COL20A1: variants seen among roughly 807,000 people sequenced by gnomAD.
COL20A1 encodes collagen alpha-1(XX) chain.
In COL20A1, 164 loss-of-function variants were observed where a neutral mutation model predicts 152.9. The observed-to-expected ratio is 1.07, with a 90% CI of 0.94 to 1.22. The LOEUF (loss-of-function observed/expected upper bound fraction) is 1.22, where lower values mean the gene tolerates loss of function less well. COL20A1 is among the 50% of genes most tolerant of loss of function. The pLI, the probability that COL20A1 is intolerant of heterozygous loss-of-function variation, is 0.00. For synonymous variants in COL20A1, 864 were observed against 756.0 expected, an observed-to-expected ratio of 1.14 and a Z score of -2.34; for missense variants, 1,873 against 1,744.8, an observed-to-expected ratio of 1.07 and a Z score of -1.31.
chr20:63,321,408 C>A (rs2068161019), intron 26 of COL20A1, among the ~76,000 whole-genome samples: 1 of 152,170 alleles, frequency 6.6e-6, no homozygotes, highest in African/African-American at 2.4e-5. Flanking sequence ...TTCCCCCAGG[C>A]TGGGCCTCCC....
rs1223698295 is a variant in COL20A1 at position 63,316,623 on chromosome 20, G to T, written c.2595G>T (p.Glu865Asp). Residue 865 changes from glutamate (E) to aspartate (D), a missense_variant, in exon 21 of 36, where the codon GAG becomes GAT. Glu to Asp is a conservative substitution (Grantham distance 45, BLOSUM62 2). Coordinates refer to ENST00000358894, the MANE Select transcript of COL20A1 (RefSeq NM_020882.4). ...CGTCCATCCGGGGCGTGGCCATGGAGCCCTCTGCCTTCGGTGGGACCCCGA... is the reference window on the plus strand; with the variant it reads ...CGTCCATCCGGGGCGTGGCCATGGATCCCTCTGCCTTCGGTGGGACCCCGA... ...AYASIRGVAM[E>D]PSAFGGTPTF... The T allele has an allele frequency of 6.3e-7, 1 of 1,581,644 alleles. No homozygotes were observed. The highest frequency in any genetic ancestry group is 2.3e-5 in the East Asian group (1 of 43,320).
chr20:63,316,527 GC>G, intron 20 of COL20A1, 25 bp from the exon 21 acceptor site: 1 of 1,575,562 alleles, frequency 6.3e-7, no homozygotes, highest in East Asian at 2.3e-5. Flanking sequence ...GTCCCTCGGT[GC>G]CCCTTCCCCC....
At chr20:63,327,443 T>C in intron 31 of COL20A1, 1 of 175,966 alleles carries the variant, frequency 5.7e-6, no homozygotes, top group East Asian at 1.6e-4. Flanking sequence ...GCAGGCTCCA[T>C]GGAGGGTAGG....
rs575301518 is a variant in COL20A1 at position 63,332,982 on chromosome 20, C to A, written c.*2266C>A. The stretch of plus-strand genomic sequence containing the variant: ...CTCCCCGAGACCCAGCCGACCTGCA[C>A]GTCTCCCATCAGCCCCGACTCCACC... On this transcript the variant is annotated 3_prime_UTR_variant, in exon 36 of 36. Coordinates refer to ENST00000358894, the MANE Select transcript of COL20A1 (RefSeq NM_020882.4). 6.6e-6 allele frequency: 1 copy of A among 152,266 alleles called. No individual in the cohort carries two copies. Among genetic ancestry groups the A allele is most frequent in the Non-Finnish European group, 1.5e-5 (1 of 68,096 alleles). The allele number at this position is 152,266 out of a possible 1,614,324, so 9.4% of individuals were successfully genotyped here.
Position 63,328,612 on chromosome 20 carries a change from A to G in COL20A1, c.3781+114A>G, listed in dbSNP as rs2068289535. Reference sequence around the variant, plus strand: ...GTCAGCACAGCAGCTCCTGCTGGAGATGCCACTGTCCAGCCTCTGGGGTGC... The same window carrying G: ...GTCAGCACAGCAGCTCCTGCTGGAGGTGCCACTGTCCAGCCTCTGGGGTGC... On this transcript the variant is annotated intron_variant, in intron 34 of 35. Transcript: ENST00000358894. The G allele has an allele frequency of 1.5e-5, 15 of 1,027,390 alleles. 1 individual carries two copies. The South Asian group carries it at 2.5e-4, about 17-fold the overall frequency. The allele number at this position is 1,027,390 out of a possible 1,614,324, so 63.6% of individuals were successfully genotyped here.
intron 34 of COL20A1, among the ~76,000 whole-genome samples, chr20:63,328,857 C>T (rs2068294153): frequency 6.6e-6 from 1 of 151,686 alleles, no homozygotes. Flanking sequence ...CCACTCCCGC[C>T]CTCTTATCCT....
At position 63,332,990 on chromosome 20, in the gene COL20A1, A is replaced by G. The variant is rs557619971; in HGVS notation, c.*2274A>G. The G allele has an allele frequency of 2.0e-5, 3 of 152,034 alleles. No homozygotes were observed. Among genetic ancestry groups the G allele is most frequent in the African/African-American group, 7.3e-5 (3 of 41,370 alleles). The allele number at this position is 152,034 out of a possible 1,614,324, so 9.4% of individuals were successfully genotyped here. A position where few individuals can be genotyped will look rare whatever the true frequency, so the allele number is the denominator to read the frequency against. On this transcript the variant is annotated 3_prime_UTR_variant, in exon 36 of 36. Transcript: ENST00000358894. ...GACCCAGCCGACCTGCACGTCTCCC[A>G]TCAGCCCCGACTCCACCGCATCCCT... is the stretch of plus-strand genomic sequence containing the variant.
Position 63,311,855 on chromosome 20 carries a change from C to A in COL20A1, c.1664-61C>A. 1.3e-6 allele frequency: 2 copies of A among 1,506,440 alleles called. No homozygotes were observed. The highest frequency in any genetic ancestry group is 1.8e-6 in the Non-Finnish European group (2 of 1,128,570). The allele number at this position is 1,506,440 out of a possible 1,614,324, so 93.3% of individuals were successfully genotyped here. ...AGGCCCCCTCGGTCCCAGCCACTGC[C>A]CACCCTTGCCCCTGCCATGGAGGCC... On this transcript the variant is annotated intron_variant, in intron 13 of 35. Coordinates refer to ENST00000358894, the MANE Select transcript of COL20A1 (RefSeq NM_020882.4). The surrounding 1 kb of genome is among the most constrained non-coding windows in gnomAD (Gnocchi z 4.4).
At chr20:63,298,465 A>G (rs1480996185) in intron 3 of COL20A1, among the ~76,000 whole-genome samples, 2 of 151,488 alleles carry the variant, frequency 1.3e-5, no homozygotes, top group Non-Finnish European at 2.9e-5. Context: ...TAATTTTTGT[A>G]TTTTTTGTGG....
intron 25 of COL20A1, 122 bp from the exon 26 acceptor site, chr20:63,320,891 C>G: frequency 1.4e-6 from 1 of 724,068 alleles, no homozygotes; most frequent in Non-Finnish European, 2.3e-6. Context: ...TCGCCCCTGC[C>G]TCCCAGGTGC....
intron 20 of COL20A1, 78 bp downstream of exon 20, chr20:63,315,517 C>T (rs1023642930): frequency 3.8e-6 from 5 of 1,317,216 alleles, no homozygotes; most frequent in Middle Eastern, 1.8e-4. Context: ...CCAAGGGTGT[C>T]GTGACCTGGG....
intron 19 of COL20A1, among the ~76,000 whole-genome samples, chr20:63,314,934 C>T (rs1160508863): frequency 6.6e-6 from 1 of 150,728 alleles, no homozygotes; most frequent in East Asian, 2.0e-4. Context: ...TGTCCCCAGC[C>T]TCTCCTCACA....
At chr20:63,307,398 C>A (rs1460666750) in intron 5 of COL20A1, 92 bp from the exon 6 acceptor site, 18 of 1,279,964 alleles carry the variant, frequency 1.4e-5, no homozygotes, top group Non-Finnish European at 1.3e-5. Flanking sequence ...GCCTGCCTCA[C>A]TCTTGTGGCT....
At chr20:63,312,394 C>A in intron 14 of COL20A1, 26 bp from the exon 15 acceptor site, 1 of 1,536,744 alleles carries the variant, frequency 6.5e-7, no homozygotes, top group Non-Finnish European at 8.7e-7. Context: ...GCTGGGCCTG[C>A]CATGTCGCCC....
chr20:63,302,010 A>G (rs567046708), intron 3 of COL20A1, among the ~76,000 whole-genome samples: 1 of 152,166 alleles, frequency 6.6e-6, no homozygotes, highest in South Asian at 2.1e-4. Context: ...CAATGGAAAA[A>G]TTTAAACACA....
chr20:63,311,703 C>T lies in COL20A1; in HGVS notation c.1618C>T (p.Arg540Ter), dbSNP rs372462239. 43 of 1,604,710 alleles carry T rather than the reference C, an allele frequency of 2.7e-5. No individual in the cohort carries two copies. The highest frequency in any genetic ancestry group is 1.6e-4 in the East Asian group (7 of 44,732). ...RDYEVSVQSL[R>*]GPEGSEARGI... ...CTATGAGGTCTCGGTGCAGAGCCTG[C>T]GAGGCCCTGAGGGCAGCGAGGCCCG... Residue 540 changes from arginine to a stop codon, truncating the protein, a stop_gained, in exon 13 of 36, where the codon CGA becomes TGA. Coordinates refer to ENST00000358894, the MANE Select transcript of COL20A1 (RefSeq NM_020882.4). LOFTEE classifies it high-confidence loss of function. The surrounding 1 kb of genome is among the most constrained non-coding windows in gnomAD (Gnocchi z 4.4).
intron 31 of COL20A1, 110 bp downstream of exon 31, chr20:63,326,933 A>G (rs1372064762): frequency 1.4e-6 from 1 of 691,916 alleles, no homozygotes. Context: ...GGGACTTCCT[A>G]CTGACCACCT....
At chr20:63,300,250 A>G (rs773431648) in intron 3 of COL20A1, among the ~76,000 whole-genome samples, 4 of 152,066 alleles carry the variant, frequency 2.6e-5, no homozygotes, top group Non-Finnish European at 5.9e-5. Context: ...GATTCCTCTT[A>G]TTCTGTTTTC....
intron 27 of COL20A1, among the ~76,000 whole-genome samples, chr20:63,323,072 C>A (rs2068190174): frequency 6.6e-6 from 1 of 152,284 alleles, no homozygotes; most frequent in Non-Finnish European, 1.5e-5. Flanking sequence ...CTCCCACCCC[C>A]ATCTTGCATT....
Sources: allele counts gnomAD v4.1 joint callset (sites outside exome capture counted in the v4.1 genomes callset), GRCh38; gene constraint gnomAD v4.1.1; non-coding constraint Gnocchi (gnomAD v3.1); transcripts MANE v1.5; gene names NCBI Gene and HGNC (gene_info 2026-07-23, HGNC 2026-07-21).